Variants in HS1BP3 observed in about 807,000 individuals in gnomAD.
The protein encoded by HS1BP3 is HCLS1-binding protein 3.
Under a neutral mutation model 33.5 loss-of-function variants are expected in HS1BP3, and 32 were observed. That is an observed-to-expected ratio of 0.95 (90% CI 0.72 to 1.28). HS1BP3 has a LOEUF of 1.28. Among genes scored for constraint, HS1BP3 ranks in the 50% most tolerant of loss-of-function variants. The pLI, the probability that HS1BP3 is intolerant of heterozygous loss-of-function variation, is 0.00. For missense variants in HS1BP3, 486 were observed against 502.3 expected, an observed-to-expected ratio of 0.97 and a Z score of 0.31; for synonymous variants, 187 against 209.2, an observed-to-expected ratio of 0.89 and a Z score of 0.92.
At chr2:20,584,687 G>A (rs1693637616) in intron 5 of HS1BP3, among the ~76,000 whole-genome samples, 1 of 152,194 alleles carries the variant, frequency 6.6e-6, no homozygotes, top group Non-Finnish European at 1.5e-5. Context: ...CAAGTGACAT[G>A]GATCCGATTG....
rs569468515 is a variant in HS1BP3, at chr2:20,578,488, T to C, written c.303-17973A>G. ...TTTGGCCCTTGGACAACCGGGGCAG[T>C]TCTTGCCCGGAGGCTCTCGCAGGCA... is the stretch of plus-strand genomic sequence containing the variant. On this transcript the variant is annotated intron_variant, in intron 5 of 5. Transcript: ENST00000446825. Among the ~76,000 whole-genome samples, 11 of 152,322 alleles carry C rather than the reference T, an allele frequency of 7.2e-5. No homozygotes were observed. In the South Asian group the frequency reaches 2.3e-3, roughly 32 times the overall value.
At chr2:20,643,827 G>C (rs1381386155) in intron 2 of HS1BP3, among the ~76,000 whole-genome samples, 1 of 152,152 alleles carries the variant, frequency 6.6e-6, no homozygotes, top group Non-Finnish European at 1.5e-5. Context: ...TAGATACTTA[G>C]GAGGCTGAGG....
At chr2:20,566,257 C>T (rs1020260311) in intron 5 of HS1BP3, among the ~76,000 whole-genome samples, 6 of 152,252 alleles carry the variant, frequency 3.9e-5, no homozygotes, top group African/African-American at 9.6e-5. Context: ...CCATCTCCCC[C>T]GCCTGTGCCG....
chr2:20,577,228 G>T (rs550111160), intron 5 of HS1BP3, among the ~76,000 whole-genome samples: 1 of 152,046 alleles, frequency 6.6e-6, no homozygotes, highest in Non-Finnish European at 1.5e-5. Context: ...TAATATTTCC[G>T]TATCGGGGAG....
intron 2 of HS1BP3, among the ~76,000 whole-genome samples, chr2:20,607,782 T>C (rs1165857031): frequency 2.0e-5 from 3 of 152,274 alleles, no homozygotes; most frequent in South Asian, 2.1e-4. Context: ...TCCATTTCTG[T>C]AAAAACATCA....
rs79369569 is a variant in HS1BP3 at position 20,600,551 on chromosome 2, C to T, written c.179-2286G>A. Reference sequence around the variant, plus strand: ...TGAAATAACGCAAATGTTCAACAGACATTTGCGTAACACACAGACCAACCA... The same window carrying T: ...TGAAATAACGCAAATGTTCAACAGATATTTGCGTAACACACAGACCAACCA... On this transcript the variant is annotated intron_variant, in intron 2 of 3. Coordinates refer to the HS1BP3 transcript ENST00000415264. Among the ~76,000 whole-genome samples, 388 of 152,258 alleles carry T rather than the reference C, an allele frequency of 2.5e-3. 1 individual carries two copies. Among genetic ancestry groups the T allele is most frequent in the African/African-American group, 8.5e-3 (355 of 41,544 alleles).
downstream of HS1BP3, among the ~76,000 whole-genome samples, chr2:20,615,460 C>G (rs1694404778): frequency 6.6e-6 from 1 of 152,238 alleles, no homozygotes; most frequent in Non-Finnish European, 1.5e-5. Flanking sequence ...TTGGAGCGAT[C>G]AGAGTTTGTA....
chr2:20,642,326 C>T (rs1042140277), intron 2 of HS1BP3, among the ~76,000 whole-genome samples: 1 of 151,036 alleles, frequency 6.6e-6, no homozygotes, highest in Middle Eastern at 3.4e-3. Context: ...ACCCAGAATG[C>T]CCAGCCTGTG....
downstream of HS1BP3, among the ~76,000 whole-genome samples, chr2:20,616,024 A>G (rs1694416853): frequency 6.6e-6 from 1 of 152,208 alleles, no homozygotes; most frequent in Non-Finnish European, 1.5e-5. Flanking sequence ...AAGAGGAACA[A>G]TGCCGGGAGG....
intron 5 of HS1BP3, among the ~76,000 whole-genome samples, chr2:20,565,555 C>A (rs1336068080): frequency 1.3e-5 from 2 of 152,256 alleles, no homozygotes; most frequent in Non-Finnish European, 2.9e-5. Flanking sequence ...CCATCTGTAG[C>A]CTCCCACAAA....
At chr2:20,595,959 C>T (rs1221646442) in intron 3 of HS1BP3, among the ~76,000 whole-genome samples, 1 of 152,216 alleles carries the variant, frequency 6.6e-6, no homozygotes, top group Non-Finnish European at 1.5e-5. Flanking sequence ...CTTTCTTAAT[C>T]ACTGGGACCT....
chr2:20,641,180 C>A lies in HS1BP3; in HGVS notation c.199G>T (p.Val67Phe). The A allele has an allele frequency of 6.2e-7, 1 of 1,602,594 alleles. No homozygotes were observed. The highest frequency in any genetic ancestry group is 8.5e-7 in the Non-Finnish European group (1 of 1,179,478). Residue 67 changes from valine (V) to phenylalanine (F), a missense_variant and splice_region_variant, in exon 3 of 7, where the codon GTC becomes TTC. By Grantham distance (50) the Val-to-Phe change is conservative. Transcript: ENST00000304031. ...HRPEDVVQFL[V>F]SKKYSEIEEF... ...TCAATCTCGCTGTACTTTTTGGAGA[C>A]CTGGAATGAGAGGAGCATGTGGTTT...
chr2:20,605,934 C>T (rs1487407385), intron 2 of HS1BP3, among the ~76,000 whole-genome samples: 1 of 152,050 alleles, frequency 6.6e-6, no homozygotes, highest in Non-Finnish European at 1.5e-5. Context: ...TTGTTCGAAC[C>T]CCTGTCTTCA....
downstream of HS1BP3, among the ~76,000 whole-genome samples, chr2:20,616,866 A>G (rs953535377): frequency 4.6e-5 from 7 of 152,184 alleles, no homozygotes; most frequent in Admixed American, 1.3e-4. Flanking sequence ...ATCAGGCGAC[A>G]AGGATCATTG....
intron 6 of HS1BP3, chr2:20,622,697 A>G (rs1208052285): frequency 4.7e-6 from 1 of 210,910 alleles, no homozygotes; most frequent in Non-Finnish European, 1.0e-5. Flanking sequence ...ATGGACTCCT[A>G]GACATGCTCG....
chr2:20,578,841 C>G (rs1174010911), intron 5 of HS1BP3, among the ~76,000 whole-genome samples: 3 of 152,202 alleles, frequency 2.0e-5, no homozygotes, highest in African/African-American at 7.2e-5. Context: ...GACTCTGGAG[C>G]CATGCTCTGT....
At chr2:20,560,135 C>A (rs1692954508), downstream of HS1BP3, among the ~76,000 whole-genome samples, 1 of 152,194 alleles carries the variant, frequency 6.6e-6, no homozygotes, top group Non-Finnish European at 1.5e-5. Flanking sequence ...TACATTGACA[C>A]AGCCAGGCTG....
intron 4 of HS1BP3, among the ~76,000 whole-genome samples, chr2:20,632,478 TCCTGGG>T (rs1411963827): frequency 6.6e-6 from 1 of 152,142 alleles, no homozygotes; most frequent in Non-Finnish European, 1.5e-5. Context: ...AAGGGAAAAG[TCCTGGG>T]CCAGCAGTCA....
downstream of HS1BP3, among the ~76,000 whole-genome samples, chr2:20,555,563 C>G (rs368418678): frequency 6.6e-6 from 1 of 152,232 alleles, no homozygotes; most frequent in African/African-American, 2.4e-5. Flanking sequence ...CCCATGAAGA[C>G]GAAAGCCCCA....
Sources: gnomAD v4.1 joint callset for allele counts (sites outside exome capture counted in the v4.1 genomes callset) on GRCh38, gnomAD v4.1.1 for gene constraint, MANE v1.5 for transcripts, NCBI Gene and HGNC (gene_info 2026-07-23, HGNC 2026-07-21) for gene names.